The following ZNF398 variants were observed in gnomAD, a reference collection of about 807,000 sequenced individuals.
ZNF398 encodes the protein zinc finger protein 398, also known as zinc finger DNA binding protein ZER6.
Under a neutral mutation model 41.9 loss-of-function variants are expected in ZNF398, and 18 were observed. The observed-to-expected ratio is 0.43, with a 90% CI of 0.30 to 0.64. ZNF398 has a LOEUF of 0.64. Among genes scored for constraint, ZNF398 ranks in the 30% least tolerant of loss-of-function variants. The pLI, the probability that ZNF398 is intolerant of heterozygous loss-of-function variation, is 0.14. For missense variants in ZNF398, 669 were observed against 822.8 expected (o/e 0.81, Z 2.29); for synonymous variants, 260 against 308.8 (o/e 0.84, Z 1.66).
chr7:149,150,248 C>T (rs558364729), intron 1 of ZNF398, among the ~76,000 whole-genome samples: 1 of 152,268 alleles, frequency 6.6e-6, no homozygotes, highest in South Asian at 2.1e-4. Context: ...AGAGTGGGGG[C>T]TGCAGCAGAC....
upstream of ZNF398, among the ~76,000 whole-genome samples, chr7:149,145,102 T>A (rs918660781): frequency 3.3e-5 from 5 of 152,222 alleles, no homozygotes; most frequent in Non-Finnish European, 7.3e-5. Flanking sequence ...TAACTTAGTC[T>A]GCTCAAGAGC....
Position 149,155,683 on chromosome 7 carries a change from T to TTATA in ZNF398, c.420+1365_420+1368dup, listed in dbSNP as rs757578727. Reference sequence around the variant, plus strand: ...TTTGAAGCAGAGGAATTATATTTGGTTATATATATATATATATATATATAT... The same window carrying TTATA: ...TTTGAAGCAGAGGAATTATATTTGGTTATATATATATATATATATATATATATAT... On this transcript the variant is annotated intron_variant, in intron 2 of 5. Coordinates refer to ENST00000475153, the MANE Select transcript of ZNF398 (RefSeq NM_170686.3). Among the ~76,000 whole-genome samples the TTATA allele has an allele frequency of 3.9e-4, 43 of 110,864 alleles. 1 individual carries two copies. The highest frequency in any genetic ancestry group is 4.4e-4 in the Non-Finnish European group (25 of 56,752). 72.7% of individuals were successfully genotyped at this position (110,864 alleles called of 152,430 possible). A position where few individuals can be genotyped will look rare whatever the true frequency, so the allele number is the denominator to read the frequency against.
rs536126165 is a variant in ZNF398, at chr7:149,163,308, G to A, written c.421-2850G>A. ...GAACCTCCGCCTCCCAGGTTCAAGC[G>A]ATTCTCCTGCCTCAGCCTCTTGAGT... On this transcript the variant is annotated intron_variant, in intron 2 of 5. Transcript: ENST00000475153. Among the ~76,000 whole-genome samples, 53 of 151,884 alleles carry A rather than the reference G, an allele frequency of 3.5e-4. 1 individual carries two copies. In the South Asian group the frequency reaches 0.011, roughly 30 times the overall value.
At position 149,182,741 on chromosome 7, in the gene ZNF398, C is replaced by T. The variant is rs1165563386; in HGVS notation, c.*2940C>T. On this transcript the variant is annotated 3_prime_UTR_variant, in exon 6 of 6. Transcript: ENST00000475153. ...TTTTCCATTGTCACCATTGGATGAA[C>T]CTCTGGTTTAGCCACAGTTGTGAAA... 1 of 152,158 alleles carries T rather than the reference C, an allele frequency of 6.6e-6. No individual in the cohort carries two copies. The highest frequency in any genetic ancestry group is 1.5e-5 in the Non-Finnish European group (1 of 68,034). The allele number at this position is 152,158 out of a possible 1,614,324, so 9.4% of individuals were successfully genotyped here.
intron 1 of ZNF398, among the ~76,000 whole-genome samples, chr7:149,151,872 T>C (rs1212123946): frequency 6.6e-6 from 1 of 151,684 alleles, no homozygotes; most frequent in African/African-American, 2.4e-5. Flanking sequence ...CTGTAACCTC[T>C]GCCTCCTGGG....
At chr7:149,141,228 G>A (rs1409774667) in intron 2 of ZNF398, among the ~76,000 whole-genome samples, 1 of 150,622 alleles carries the variant, frequency 6.6e-6, no homozygotes, top group African/African-American at 2.4e-5. Flanking sequence ...AAGAGAGTAT[G>A]AAGAAAAAGA....
At chr7:149,169,859 TG>T (rs1328177953) in intron 4 of ZNF398, among the ~76,000 whole-genome samples, 16 of 152,174 alleles carry the variant, frequency 1.1e-4, no homozygotes, top group Admixed American at 1.0e-3. Flanking sequence ...GATTCCCATA[TG>T]GTTGTACTCA....
intron 1 of ZNF398, chr7:149,151,227 A>G (rs760291456): frequency 5.7e-6 from 7 of 1,228,690 alleles, no homozygotes; most frequent in Non-Finnish European, 7.3e-6. Flanking sequence ...TAATCTGCTT[A>G]CAGGAATGGA....
At chr7:149,144,966 T>G (rs1251341901), upstream of ZNF398, among the ~76,000 whole-genome samples, 1 of 152,226 alleles carries the variant, frequency 6.6e-6, no homozygotes, top group Non-Finnish European at 1.5e-5. Flanking sequence ...ATTATTTTTT[T>G]GTAATCTACT....
intron 2 of ZNF398, among the ~76,000 whole-genome samples, chr7:149,159,837 C>G (rs368051525): frequency 6.6e-6 from 1 of 151,890 alleles, no homozygotes; most frequent in Non-Finnish European, 1.5e-5. Flanking sequence ...AAGCGATTCT[C>G]GTGTCTCAGT....
rs1160265198 is a variant in ZNF398, at chr7:149,179,359, C to T, written c.1487C>T (p.Ser496Leu). The change falls in exon 6 of 6, where the codon TCG becomes TTG. Residue 496 changes from serine to leucine, a missense_variant. Transcript: ENST00000475153. The surrounding 1 kb of genome is among the most constrained non-coding windows in gnomAD (Gnocchi z 6.1). The part of the protein sequence containing the change: ...PQCGIDFNGH[S>L]ALIRHQMIHT... ...TGTGGCATTGACTTCAACGGCCACT[C>T]GGCCCTGATCCGCCACCAGATGATC... The T allele has an allele frequency of 1.9e-6, 3 of 1,612,138 alleles. No individual in the cohort carries two copies. Among genetic ancestry groups the T allele is most frequent in the Non-Finnish European group, 1.7e-6 (2 of 1,179,624 alleles).
At chr7:149,169,412 G>A (rs2129521347) in intron 4 of ZNF398, among the ~76,000 whole-genome samples, 1 of 152,180 alleles carries the variant, frequency 6.6e-6, no homozygotes, top group South Asian at 2.1e-4. Context: ...TGATCAAATT[G>A]TCAGCTTCAC....
intron 2 of ZNF398, among the ~76,000 whole-genome samples, chr7:149,137,252 T>C (rs1826734668): frequency 6.6e-6 from 1 of 152,184 alleles, no homozygotes; most frequent in African/African-American, 2.4e-5. Context: ...TATTGATCCA[T>C]GTGTCTATCC....
intron 2 of ZNF398, among the ~76,000 whole-genome samples, chr7:149,141,187 A>G (rs1042294174): frequency 1.6e-4 from 24 of 152,096 alleles, no homozygotes; most frequent in African/African-American, 5.8e-4. Flanking sequence ...TCTTTAAATC[A>G]TCTTTGAGTC....
intron 2 of ZNF398, among the ~76,000 whole-genome samples, chr7:149,164,243 T>A (rs1795176637): frequency 1.3e-5 from 2 of 149,746 alleles, no homozygotes; most frequent in South Asian, 2.1e-4. Flanking sequence ...CCATCTCTAC[T>A]AAAAATACAA....
chr7:149,135,772 C>T (rs1042040816), intron 2 of ZNF398, among the ~76,000 whole-genome samples: 1 of 152,102 alleles, frequency 6.6e-6, no homozygotes, highest in Non-Finnish European at 1.5e-5. Context: ...GCCTGGCCAA[C>T]ATGGTGAATC....
At chr7:149,133,834 C>G in intron 2 of ZNF398, among the ~76,000 whole-genome samples, 1 of 150,210 alleles carries the variant, frequency 6.7e-6, no homozygotes, top group Admixed American at 6.7e-5. Flanking sequence ...TCACCGCAAC[C>G]TCTGCCTCCT....
At position 149,178,650 on chromosome 7, in the gene ZNF398, G is replaced by C; in HGVS notation, c.778G>C (p.Glu260Gln). 6.2e-7 allele frequency: 1 copy of C among 1,611,680 alleles called. No individual in the cohort carries two copies. Among genetic ancestry groups the C allele is most frequent in the Non-Finnish European group, 8.5e-7 (1 of 1,179,046 alleles). The change falls in exon 6 of 6, where the codon GAA (glutamate) becomes CAA (glutamine). Residue 260 changes from glutamate (E) to glutamine (Q), a missense_variant and splice_region_variant. Around this residue, in one of 3 missense-constraint regions of ZNF398, gnomAD observed 290 missense variants for 292.9 expected, o/e 0.99. Transcript: ENST00000475153. ...SDVYKSTYAD[E>Q]ELVIKAEGLA... is the part of the protein sequence containing the mutation. ...AACTCTGGAGTCTTTTCTTTCAGATGAAGAGCTTGTCATCAAAGCTGAAGG... is the reference window on the plus strand; with the variant it reads ...AACTCTGGAGTCTTTTCTTTCAGATCAAGAGCTTGTCATCAAAGCTGAAGG...
chr7:149,163,580 G>A (rs974696004), intron 2 of ZNF398, among the ~76,000 whole-genome samples: 8 of 151,918 alleles, frequency 5.3e-5, no homozygotes, highest in Non-Finnish European at 1.0e-4. Flanking sequence ...CTCCATATTG[G>A]TCAGGCTGGT....
Sources: allele counts gnomAD v4.1 joint callset (sites outside exome capture counted in the v4.1 genomes callset), GRCh38; gene constraint gnomAD v4.1.1; regional missense constraint gnomAD v4.1.1; non-coding constraint Gnocchi (gnomAD v3.1); transcripts MANE v1.5; gene names NCBI Gene and HGNC (gene_info 2026-07-23, HGNC 2026-07-21).